HOXA13: variants seen among roughly 807,000 people sequenced by gnomAD.
The protein encoded by HOXA13 is homeobox protein Hox-A13.
Under a neutral mutation model 25.7 loss-of-function variants are expected in HOXA13, and 5 were observed. The ratio of observed to expected loss-of-function variants is 0.19; its 90% confidence interval spans 0.10 to 0.41. The LOEUF is 0.41. HOXA13 is among the 10% of genes least tolerant of loss of function. The pLI is 1.00. For missense variants in HOXA13, 557 were observed against 533.5 expected (o/e 1.04, Z -0.43); for synonymous variants, 284 against 241.1 (o/e 1.18, Z -1.65).
Position 27,194,517 on chromosome 7 carries a change from ATTTTTGTTTTTG to A in HOXA13, c.*3669_*3680del, listed in dbSNP as rs780310063. 17 of 152,000 alleles carry A rather than the reference ATTTTTGTTTTTG, an allele frequency of 1.1e-4. No homozygotes were observed. Among genetic ancestry groups the A allele is most frequent in the African/African-American group, 3.4e-4 (14 of 41,374 alleles). The allele number at this position is 152,000 out of a possible 1,614,324, so 9.4% of individuals were successfully genotyped here. A position where few individuals can be genotyped will look rare whatever the true frequency, so the allele number is the denominator to read the frequency against. On this transcript the variant is annotated 3_prime_UTR_variant, in exon 2 of 2. Transcript: ENST00000649031. Reference sequence around the variant, plus strand: ...TCAGGAGGTGGCTGGTCTCTCCTTGATTTTTGTTTTTGTTTTTGTTTTTGTTTTAAGGTTTTA... The same window carrying A: ...TCAGGAGGTGGCTGGTCTCTCCTTGATTTTTGTTTTTGTTTTAAGGTTTTA...
chr7:27,198,474 GGGATC>G (rs761914778), intron 1 of HOXA13, 32 bp from the exon 2 acceptor site: 2 of 1,611,950 alleles, frequency 1.2e-6, no homozygotes, highest in South Asian at 2.2e-5. Flanking sequence ...AAGTTACACA[GGGATC>G]GGACCCCAGC....
Position 27,199,431 on chromosome 7 carries a change from G to C in HOXA13, c.647C>G (p.Pro216Arg). 2 of 1,613,810 alleles carry C rather than the reference G, an allele frequency of 1.2e-6. No individual in the cohort carries two copies. Among genetic ancestry groups the C allele is most frequent in the Non-Finnish European group, 1.7e-6 (2 of 1,179,948 alleles). ...FADKYMDTAG[P>R]AAEEFSSRAK... is the part of the protein sequence containing the mutation. ...GCGGGAGCTGAACTCCTCGGCAGCT[G>C]GGCCGGCGGTATCCATGTACTTGTC... Residue 216 changes from proline (P) to arginine (R), a missense_variant, in exon 1 of 2, where the codon CCA becomes CGA. Physicochemically the swap from Pro to Arg is moderately radical, Grantham distance 103 (BLOSUM62 -2). Coordinates refer to ENST00000649031, the MANE Select transcript of HOXA13 (RefSeq NM_000522.5).
rs752069750 is a variant in HOXA13 at position 27,198,291 on chromosome 7, C to G, written c.1074G>C (p.Thr358=). 6.2e-7 allele frequency: 1 copy of G among 1,614,216 alleles called. No individual in the cohort carries two copies. Among genetic ancestry groups the G allele is most frequent in the Non-Finnish European group, 8.5e-7 (1 of 1,180,042 alleles). ...TKDKRRRISA[T]TNLSERQVTI... ...TGACCTGCCGCTCAGAGAGATTCGT[C>G]GTGGCTGATATCCGCCTCCGTTTGT... The change falls in exon 2 of 2, where the codon ACG becomes ACC. Residue 358 remains threonine (T), a synonymous_variant. Transcript: ENST00000649031.
rs779743066 is a variant in HOXA13 at position 27,199,332 on chromosome 7, T to A, written c.746A>T (p.Tyr249Phe). The A allele has an allele frequency of 6.2e-6, 10 of 1,613,928 alleles. No individual in the cohort carries two copies. In the East Asian group the frequency reaches 1.6e-4, roughly 25 times the overall value. The part of the protein sequence containing the change: ...PYHHHQPMPG[Y>F]LDMPVVPGLG... ...GCCCGGCACCACTGGCATATCCAGG[T>A]AGCCAGGCATGGGCTGATGGTGGTG... is the stretch of plus-strand genomic sequence containing the variant. Residue 249 changes from tyrosine (Y) to phenylalanine (F), a missense_variant, in exon 1 of 2, where the codon TAC becomes TTC. Physicochemically the swap from Tyr to Phe is conservative, Grantham distance 22. Transcript: ENST00000649031.
rs1783999395 is a variant in HOXA13 at position 27,195,963 on chromosome 7, G to C, written c.*2235C>G. ...TCTTAGACTGTAACAAAAATGTACAGCTTTAAAGCAGATCTGCAGAAATCT... is the reference window on the plus strand; with the variant it reads ...TCTTAGACTGTAACAAAAATGTACACCTTTAAAGCAGATCTGCAGAAATCT... On this transcript the variant is annotated 3_prime_UTR_variant, in exon 2 of 2. Transcript: ENST00000649031. 1 of 152,236 alleles carries C rather than the reference G, an allele frequency of 6.6e-6. No homozygotes were observed. Among genetic ancestry groups the C allele is most frequent in the African/African-American group, 2.4e-5 (1 of 41,458 alleles). The allele number at this position is 152,236 out of a possible 1,614,324, so 9.4% of individuals were successfully genotyped here.
rs1784005521 is a variant in HOXA13 at position 27,196,508 on chromosome 7, C to T, written c.*1690G>A. The T allele has an allele frequency of 6.6e-6, 1 of 152,208 alleles. No homozygotes were observed. Among genetic ancestry groups the T allele is most frequent in the Admixed American group, 6.5e-5 (1 of 15,288 alleles). 9.4% of individuals were successfully genotyped at this position (152,208 alleles called of 1,614,324 possible). ...GTAGTCCTGTCATTTCAACAAATAT[C>T]AAAACCTGCCCTCTCAGACACATGC... On this transcript the variant is annotated 3_prime_UTR_variant, in exon 2 of 2. Coordinates refer to ENST00000649031, the MANE Select transcript of HOXA13 (RefSeq NM_000522.5).
In HOXA13 at chr7:27,198,045, AAG is replaced by A. The variant is rs1415505341; in HGVS notation, c.*151_*152del. On this transcript the variant is annotated 3_prime_UTR_variant, in exon 2 of 2. Transcript: ENST00000649031. ...ACAGTTGTAGATTCCATTAAAGAGA[AAG>A]AGATCTCCTTCGGGAGAGGAAAATG... 1.2e-6 allele frequency: 1 copy of A among 860,512 alleles called. No homozygotes were observed. The highest frequency in any genetic ancestry group is 1.9e-6 in the Non-Finnish European group (1 of 540,042). The allele number at this position is 860,512 out of a possible 1,614,324, so 53.3% of individuals were successfully genotyped here. A position where few individuals can be genotyped will look rare whatever the true frequency, so the allele number is the denominator to read the frequency against.
Position 27,199,212 on chromosome 7 carries a change from A to C in HOXA13, c.866T>G (p.Met289Arg). Reference protein sequence around the residue: ...WALPNGWNGQMYCPKEQAQPP... With the variant: ...WALPNGWNGQRYCPKEQAQPP... ...CTGCGCCTGCTCTTTGGGGCAGTAC[A>C]TTTGGCCGTTCCAGCCGTTGGGCAG... The change falls in exon 1 of 2, where the codon ATG becomes AGG. Residue 289 changes from methionine (M) to arginine (R), a missense_variant. By Grantham distance (91) the Met-to-Arg change is moderately conservative. Transcript: ENST00000649031. The C allele has an allele frequency of 1.2e-6, 2 of 1,613,528 alleles. No individual in the cohort carries two copies. The highest frequency in any genetic ancestry group is 2.2e-5 in the East Asian group (1 of 44,860).
rs1421619709 is a variant in HOXA13 at position 27,199,664 on chromosome 7, A to T, written c.414T>A (p.Gly138=). The T allele has an allele frequency of 1.6e-6, 2 of 1,227,582 alleles. No homozygotes were observed. Among genetic ancestry groups the T allele is most frequent in the Non-Finnish European group, 2.0e-6 (2 of 990,452 alleles). 76.0% of individuals were successfully genotyped at this position (1,227,582 alleles called of 1,614,324 possible). A position where few individuals can be genotyped will look rare whatever the true frequency, so the allele number is the denominator to read the frequency against. Residue 138 remains glycine (G), a synonymous_variant, in exon 1 of 2, where the codon GGT becomes GGA. Coordinates refer to ENST00000649031, the MANE Select transcript of HOXA13 (RefSeq NM_000522.5). The part of the protein sequence containing the change: ...AAAAAASSSG[G]PGPAGPAGAE... ...CGCCCGCCGGGCCCGCCGGGCCGGG[A>T]CCTCCCGAGGACGACGCGGCGGCGG...
At chr7:27,199,133 G>T (rs1386203300) in intron 1 of HOXA13, 23 bp downstream of exon 1, 1 of 1,602,118 alleles carries the variant, frequency 6.2e-7, no homozygotes, top group Non-Finnish European at 8.5e-7. Context: ...GAAGACCAGG[G>T]CTGGGAATAG....
chr7:27,199,364 C>G lies in HOXA13; in HGVS notation c.714G>C (p.Gly238=). ...GCATGGGCTGATGGTGGTGGTAAGG[C>G]CCGGCTGCGTAGCCCTGGTGGTAGA... ...FAFYHQGYAA[G]PYHHHQPMPG... Residue 238 remains glycine, a synonymous_variant, in exon 1 of 2, where the codon GGG becomes GGC. Transcript: ENST00000649031. 1.2e-6 allele frequency: 2 copies of G among 1,614,102 alleles called. No homozygotes were observed. Among genetic ancestry groups the G allele is most frequent in the Non-Finnish European group, 1.7e-6 (2 of 1,179,984 alleles).
chr7:27,199,146 C>T lies in HOXA13; in HGVS notation c.922+10G>A. 1.9e-6 allele frequency: 3 copies of T among 1,607,134 alleles called. No individual in the cohort carries two copies. The highest frequency in any genetic ancestry group is 2.5e-6 in the Non-Finnish European group (3 of 1,178,490). On this transcript the variant is annotated intron_variant, in intron 1 of 1. Transcript: ENST00000649031. ...CGGAAGACCAGGGCTGGGAATAGGT[C>T]GTCATTTACCGGGCAGAGTGGACTT...
At position 27,199,859 on chromosome 7, in the gene HOXA13, C is replaced by G. The variant is rs1178494736; in HGVS notation, c.219G>C (p.Ala73=). 15 of 1,016,210 alleles carry G rather than the reference C, an allele frequency of 1.5e-5. No homozygotes were observed. In the East Asian group the frequency reaches 4.2e-4, roughly 29 times the overall value. 62.9% of individuals were successfully genotyped at this position (1,016,210 alleles called of 1,614,324 possible). ...AAAAGGNFSV[A]AAAAAAAAAA... ...CCGCCGCCGCAGCCGCGGCCGCCGC[C>G]GCCACCGAGAAGTTGCCCCCTGCCG... The change falls in exon 1 of 2, where the codon GCG becomes GCC. Residue 73 remains alanine, a synonymous_variant. Coordinates refer to ENST00000649031, the MANE Select transcript of HOXA13 (RefSeq NM_000522.5).
rs955237055 is a variant in HOXA13 at position 27,199,679 on chromosome 7, CGCGGCG to C, written c.393_398del (p.Ala132_Ala133del). 2.6e-6 allele frequency: 3 copies of C among 1,160,764 alleles called. No homozygotes were observed. The highest frequency in any genetic ancestry group is 4.8e-5 in the Admixed American group (1 of 20,870). The allele number at this position is 1,160,764 out of a possible 1,614,324, so 71.9% of individuals were successfully genotyped here. A position where few individuals can be genotyped will look rare whatever the true frequency, so the allele number is the denominator to read the frequency against. Reference sequence around the variant, plus strand: ...CCGGGCCGGGACCTCCCGAGGACGACGCGGCGGCGGCGGCGGCGGCTGCAGCGGCAG... The same window carrying C: ...CCGGGCCGGGACCTCCCGAGGACGACGCGGCGGCGGCGGCTGCAGCGGCAG... On this transcript the variant is annotated inframe_deletion, in exon 1 of 2. Transcript: ENST00000649031.
At position 27,195,458 on chromosome 7, in the gene HOXA13, C is replaced by A. The variant is rs952874054; in HGVS notation, c.*2740G>T. On this transcript the variant is annotated 3_prime_UTR_variant, in exon 2 of 2. Coordinates refer to ENST00000649031, the MANE Select transcript of HOXA13 (RefSeq NM_000522.5). Reference sequence around the variant, plus strand: ...GCGCATAGCATAGATTTGACAAAAACACATTATCCTATGTGTATATTAAAT... The same window carrying A: ...GCGCATAGCATAGATTTGACAAAAAAACATTATCCTATGTGTATATTAAAT... 4 of 152,308 alleles carry A rather than the reference C, an allele frequency of 2.6e-5. No individual in the cohort carries two copies. Among genetic ancestry groups the A allele is most frequent in the Middle Eastern group, 3.4e-3 (1 of 294 alleles). 9.4% of individuals were successfully genotyped at this position (152,308 alleles called of 1,614,324 possible).
At position 27,199,947 on chromosome 7, in the gene HOXA13, G is replaced by A. The variant is rs763619574; in HGVS notation, c.131C>T (p.Ala44Val). 20 of 1,309,886 alleles carry A rather than the reference G, an allele frequency of 1.5e-5. No individual in the cohort carries two copies. Among genetic ancestry groups the A allele is most frequent in the African/African-American group, 3.1e-5 (2 of 65,020 alleles). 81.1% of individuals were successfully genotyped at this position (1,309,886 alleles called of 1,614,324 possible). The change falls in exon 1 of 2, where the codon GCG (alanine) becomes GTG (valine). Residue 44 changes from alanine (A) to valine (V), a missense_variant. By Grantham distance (64) the Ala-to-Val change is moderately conservative. Transcript: ENST00000649031. ...CCCGGCAGCCGCCGCCGCTGCAGCC[G>A]CTGCTGCAGCCGCCGCCGCCCCTTC... The part of the protein sequence containing the change: ...NMEGAAAAAA[A>V]AAAAAAAGAG...
Position 27,199,704 on chromosome 7 carries a change from G to C in HOXA13, c.374C>G (p.Ala125Gly), listed in dbSNP as rs1253674481. 9.7e-7 allele frequency: 1 copy of C among 1,026,400 alleles called. No individual in the cohort carries two copies. The highest frequency in any genetic ancestry group is 1.7e-5 in the African/African-American group (1 of 57,364). The allele number at this position is 1,026,400 out of a possible 1,614,324, so 63.6% of individuals were successfully genotyped here. The change falls in exon 1 of 2, where the codon GCT becomes GGT. Residue 125 changes from alanine to glycine, a missense_variant. Coordinates refer to ENST00000649031, the MANE Select transcript of HOXA13 (RefSeq NM_000522.5). ...SAAAAAAAAA[A>G]AAAAAAAASS... Reference sequence around the variant, plus strand: ...CGCGGCGGCGGCGGCGGCGGCTGCAGCGGCAGCCGCGGCAGCAGCGGCGGC... The same window carrying C: ...CGCGGCGGCGGCGGCGGCGGCTGCACCGGCAGCCGCGGCAGCAGCGGCGGC...
intron 1 of HOXA13, 127 bp downstream of exon 1, chr7:27,199,029 A>T: frequency 1.1e-6 from 1 of 870,792 alleles, no homozygotes; most frequent in Non-Finnish European, 1.7e-6. Context: ...TCGGGCTCCC[A>T]GGGGTGCAGA....
chr7:27,198,570 T>A (rs1393776315), intron 1 of HOXA13, 128 bp from the exon 2 acceptor site: 2 of 1,120,186 alleles, frequency 1.8e-6, no homozygotes, highest in Non-Finnish European at 2.6e-6. Context: ...TACAATCCTG[T>A]CTTCTGCTAA....
Sources: allele counts gnomAD v4.1 joint callset, GRCh38; gene constraint gnomAD v4.1.1; transcripts MANE v1.5; gene names NCBI Gene and HGNC (gene_info 2026-07-23, HGNC 2026-07-21).